Variants in TNFRSF10B observed in about 807,000 individuals in gnomAD.
TNFRSF10B encodes the protein TNF receptor superfamily member 10b, also known as tumor necrosis factor receptor superfamily member 10B.
TNFRSF10B carries 35 observed loss-of-function variants against 41.4 expected under a neutral mutation model. The ratio of observed to expected loss-of-function variants is 0.85; its 90% CI spans 0.65 to 1.12. The LOEUF (loss-of-function observed/expected upper bound fraction) is 1.12. TNFRSF10B is among the 50% of genes most tolerant of loss of function. The probability of loss-of-function intolerance (pLI) is 0.00; values close to 1 mark genes in which losing one functional copy is unlikely to be tolerated. For synonymous variants in TNFRSF10B, 230 were observed against 215.5 expected (o/e 1.07, Z -0.59); for missense variants, 584 against 552.7 (o/e 1.06, Z -0.57).
At chr8:23,028,084 C>G in intron 5 of TNFRSF10B, 1 of 610,748 alleles carries the variant, frequency 1.6e-6, no homozygotes, top group Non-Finnish European at 2.9e-6. Flanking sequence ...ATGGGAGGAA[C>G]TGGCCCTGCC....
At chr8:23,062,744 G>A (rs1159698896) in intron 1 of TNFRSF10B, among the ~76,000 whole-genome samples, 4 of 152,044 alleles carry the variant, frequency 2.6e-5, no homozygotes, top group Admixed American at 2.0e-4. Flanking sequence ...CTTTAACTCA[G>A]CATAATTATT....
intron 1 of TNFRSF10B, among the ~76,000 whole-genome samples, chr8:23,058,750 G>T (rs1470795460): frequency 6.6e-6 from 1 of 152,046 alleles, no homozygotes; most frequent in Non-Finnish European, 1.5e-5. Context: ...CTCCCAAAGT[G>T]CTGGGATTAC....
chr8:23,028,758 C>G (rs564643406), intron 4 of TNFRSF10B, among the ~76,000 whole-genome samples, 156 bp from the exon 5 acceptor site: 1 of 152,276 alleles, frequency 6.6e-6, no homozygotes, highest in African/African-American at 2.4e-5. Flanking sequence ...GTGCTCCCTT[C>G]TTGAGGCTGG....
At position 23,028,409 on chromosome 8, in the gene TNFRSF10B, C is replaced by CT; in HGVS notation, c.669dup (p.Val224SerfsTer33). On this transcript the variant is annotated frameshift_variant, in exon 5 of 9. Transcript: ENST00000276431. LOFTEE classifies it high-confidence loss of function. ...CAAACAAACACAGCCACAATCAAGA[C>CT]TACGGCTGCAACTGTGACTCCTATG... 6.2e-7 allele frequency: 1 copy of CT among 1,614,200 alleles called. No homozygotes were observed. The highest frequency in any genetic ancestry group is 8.5e-7 in the Non-Finnish European group (1 of 1,180,034).
Position 23,027,196 on chromosome 8 carries a change from G to A in TNFRSF10B, c.873C>T (p.Val291=). ...PTQVPEQEME[V]QEPAEPTGVN... is the part of the protein sequence containing the mutation. ...CACCTGTTGGCTCTGCTGGCTCCTG[G>A]ACTTCCATTTCCTGCTCAGGGACCT... is the stretch of plus-strand genomic sequence containing the variant. Residue 291 remains valine, a synonymous_variant, in exon 7 of 9, where the codon GTC becomes GTT. Coordinates refer to ENST00000276431, the MANE Select transcript of TNFRSF10B (RefSeq NM_003842.5). 2.5e-6 allele frequency: 4 copies of A among 1,614,200 alleles called. No individual in the cohort carries two copies. Among genetic ancestry groups the A allele is most frequent in the Non-Finnish European group, 3.4e-6 (4 of 1,180,034 alleles).
At chr8:23,057,036 CTTTTT>C (rs138262629) in intron 1 of TNFRSF10B, among the ~76,000 whole-genome samples, 4 of 135,908 alleles carry the variant, frequency 2.9e-5, no homozygotes, top group Admixed American at 7.4e-5. Flanking sequence ...TCTTTTATGA[CTTTTT>C]TTTTTTTTTT....
intron 3 of TNFRSF10B, among the ~76,000 whole-genome samples, chr8:23,030,464 C>T (rs912797510): frequency 1.3e-5 from 2 of 151,974 alleles, no homozygotes; most frequent in Non-Finnish European, 2.9e-5. Context: ...AGGCACGCGC[C>T]ACCATGCCCG....
chr8:23,063,887 T>G (rs1812907720), intron 1 of TNFRSF10B, among the ~76,000 whole-genome samples: 1 of 152,218 alleles, frequency 6.6e-6, no homozygotes, highest in Admixed American at 6.5e-5. Flanking sequence ...CTCTGTTCTG[T>G]CCTCAGCCTG....
intron 2 of TNFRSF10B, among the ~76,000 whole-genome samples, chr8:23,040,499 T>C (rs71502600): frequency 0.31 from 16,343 of 53,136 alleles, 6,482 homozygotes; most frequent in East Asian, 0.54. Flanking sequence ...ACAGAAAATA[T>C]ATTTTAAAAT....
At chr8:23,041,316 C>T (rs572564564) in intron 2 of TNFRSF10B, among the ~76,000 whole-genome samples, 13 of 152,156 alleles carry the variant, frequency 8.5e-5, no homozygotes, top group Admixed American at 2.6e-4. Context: ...CTTGGCCTCT[C>T]GAAGTGCTGG....
rs750739491 is a variant in TNFRSF10B at position 23,028,624 on chromosome 8, GA to G, written c.477-23del. 9.9e-6 allele frequency: 16 copies of G among 1,613,836 alleles called. No individual in the cohort carries two copies. The East Asian group carries it at 2.0e-4, about 20-fold the overall frequency. On this transcript the variant is annotated intron_variant, in intron 4 of 8. Coordinates refer to ENST00000276431, the MANE Select transcript of TNFRSF10B (RefSeq NM_003842.5). ...ACACCTGGGTACACACACAGAGGGA[GA>G]GGGGGGACTCTTGATGGAAAGCTGG... is the stretch of plus-strand genomic sequence containing the variant.
At chr8:23,043,648 A>ATT (rs951475519) in intron 1 of TNFRSF10B, among the ~76,000 whole-genome samples, 1 of 152,186 alleles carries the variant, frequency 6.6e-6, no homozygotes, top group Non-Finnish European at 1.5e-5. Context: ...ACAGACACAC[A>ATT]TTTTTATAAA....
At chr8:23,031,917 T>A (rs1210050765) in intron 2 of TNFRSF10B, among the ~76,000 whole-genome samples, 5 of 151,546 alleles carry the variant, frequency 3.3e-5, no homozygotes, top group Non-Finnish European at 7.4e-5. Flanking sequence ...GTAGCATTTT[T>A]TTTTTTTTTT....
rs777597648 is a variant in TNFRSF10B, at chr8:23,028,450, G to A, written c.629C>T (p.Ser210Phe). Residue 210 changes from serine to phenylalanine, a missense_variant, in exon 5 of 9, where the codon TCT (serine) becomes TTT (phenylalanine). Transcript: ENST00000276431. ...SSPGTPASPC[S>F]LSGIIIGVTV... is the part of the protein sequence containing the mutation. ...GACTCCTATGATGATGCCTGAGAGA[G>A]AACAGGGAGAGGCAGGAGTCCCTGG... 1 of 1,614,182 alleles carries A rather than the reference G, an allele frequency of 6.2e-7. No individual in the cohort carries two copies.
chr8:23,021,848 C>T lies in TNFRSF10B; in HGVS notation c.*823G>A. 1 of 454,124 alleles carries T rather than the reference C, an allele frequency of 2.2e-6. No individual in the cohort carries two copies. The highest frequency in any genetic ancestry group is 4.4e-6 in the Non-Finnish European group (1 of 226,794). The allele number at this position is 454,124 out of a possible 1,614,324, so 28.1% of individuals were successfully genotyped here. On this transcript the variant is annotated 3_prime_UTR_variant, in exon 9 of 9. Coordinates refer to ENST00000276431, the MANE Select transcript of TNFRSF10B (RefSeq NM_003842.5). Reference sequence around the variant, plus strand: ...CTTACAGGGGACTTCTTCTTCTTCCCCCATTGTATGTCTCCTCCTTTTATG... The same window carrying T: ...CTTACAGGGGACTTCTTCTTCTTCCTCCATTGTATGTCTCCTCCTTTTATG...
At chr8:23,043,539 C>T (rs1049014865) in intron 1 of TNFRSF10B, among the ~76,000 whole-genome samples, 11 of 152,190 alleles carry the variant, frequency 7.2e-5, no homozygotes, top group Non-Finnish European at 1.6e-4. Flanking sequence ...AAGATAGCAT[C>T]CATTAATATT....
intron 1 of TNFRSF10B, 97 bp from the exon 2 acceptor site, chr8:23,043,340 A>G (rs1812263540): frequency 1.1e-6 from 1 of 874,288 alleles, no homozygotes; most frequent in Non-Finnish European, 1.9e-6. Flanking sequence ...CCCAAGCTAA[A>G]CAGAACCCTC....
At chr8:23,057,187 C>T (rs1812694552) in intron 1 of TNFRSF10B, among the ~76,000 whole-genome samples, 1 of 150,804 alleles carries the variant, frequency 6.6e-6, no homozygotes, top group Non-Finnish European at 1.5e-5. Context: ...CTACAGGAGC[C>T]CACCACCACC....
intron 2 of TNFRSF10B, among the ~76,000 whole-genome samples, chr8:23,036,502 G>A (rs1812034184): frequency 6.6e-6 from 1 of 152,188 alleles, no homozygotes; most frequent in Non-Finnish European, 1.5e-5. Flanking sequence ...GTGGATGTTT[G>A]CAGCATCACA....
Sources: allele counts gnomAD v4.1 joint callset (sites outside exome capture counted in the v4.1 genomes callset), GRCh38; gene constraint gnomAD v4.1.1; transcripts MANE v1.5; gene names NCBI Gene and HGNC (gene_info 2026-07-23, HGNC 2026-07-21).